Variants in ENPP3 observed in about 807,000 individuals in gnomAD.
ENPP3 encodes the protein ectonucleotide pyrophosphatase/phosphodiesterase 3.
In ENPP3, 104 loss-of-function variants were observed where a neutral mutation model predicts 117.8. The ratio of observed to expected loss-of-function variants is 0.88; its 90% confidence interval spans 0.75 to 1.04. The LOEUF is 1.04. Among genes scored for constraint, ENPP3 ranks in the 50% least tolerant of loss-of-function variants. The pLI is 0.00. For synonymous variants in ENPP3, 380 were observed against 349.9 expected (o/e 1.09, Z -0.96); for missense variants, 1,026 against 1,051.9 (o/e 0.98, Z 0.34).
intron 15 of ENPP3, among the ~76,000 whole-genome samples, chr6:131,697,577 C>T (rs1217840926): frequency 6.6e-6 from 1 of 151,664 alleles, no homozygotes; most frequent in African/African-American, 2.4e-5. Context: ...AGCTTGTTTT[C>T]CTGCAACTAG....
rs756024646 is a variant in ENPP3, at chr6:131,733,689, C to A, written c.2055C>A (p.Asp685Glu). Residue 685 changes from aspartate (D) to glutamate (E), a missense_variant, in exon 21 of 25, where the codon GAC becomes GAA. Coordinates refer to ENST00000357639, the MANE Select transcript of ENPP3 (RefSeq NM_005021.5). ...ESQKCSFYLADKNITHGFLYP... is the reference protein window; with the variant it reads ...ESQKCSFYLAEKNITHGFLYP... ...AAAAATGTTCCTTCTATTTAGCAGACAAGAATATCACCCACGGCTTCCTCT... is the reference window on the plus strand; with the variant it reads ...AAAAATGTTCCTTCTATTTAGCAGAAAAGAATATCACCCACGGCTTCCTCT... 4.3e-6 allele frequency: 7 copies of A among 1,613,930 alleles called. No homozygotes were observed. The Admixed American group carries it at 1.2e-4, about 27-fold the overall frequency.
intron 6 of ENPP3, among the ~76,000 whole-genome samples, 166 bp from the exon 7 acceptor site, chr6:131,671,082 T>C (rs1434385498): frequency 6.6e-6 from 1 of 152,226 alleles, no homozygotes; most frequent in Non-Finnish European, 1.5e-5. Context: ...TGACATTCCC[T>C]GGAATGGAGG....
chr6:131,646,470 T>G (rs574555660), intron 2 of ENPP3, among the ~76,000 whole-genome samples: 12 of 152,282 alleles, frequency 7.9e-5, no homozygotes, highest in African/African-American at 2.4e-4. Context: ...TTGTTTTTTC[T>G]TATCATAGTT....
chr6:131,742,216 T>G (rs1425021666), intron 24 of ENPP3, among the ~76,000 whole-genome samples: 3 of 152,198 alleles, frequency 2.0e-5, no homozygotes, highest in African/African-American at 7.2e-5. Flanking sequence ...AATCCCTTCC[T>G]ACTTTTTCTG....
chr6:131,674,648 C>T (rs967832158), intron 8 of ENPP3, among the ~76,000 whole-genome samples: 7 of 150,514 alleles, frequency 4.7e-5, no homozygotes, highest in Admixed American at 6.6e-5. Flanking sequence ...TCTCGGCTTA[C>T]TGTAACCTCT....
intron 11 of ENPP3, among the ~76,000 whole-genome samples, chr6:131,678,274 G>T (rs1203680274): frequency 6.6e-6 from 1 of 152,170 alleles, no homozygotes; most frequent in African/African-American, 2.4e-5. Context: ...TACTAATGTG[G>T]TGCATTTCAG....
At chr6:131,730,312 T>G (rs1780248462) in intron 20 of ENPP3, among the ~76,000 whole-genome samples, 1 of 152,180 alleles carries the variant, frequency 6.6e-6, no homozygotes, top group South Asian at 2.1e-4. Flanking sequence ...ACCTGGTCAC[T>G]CAGAACTGTA....
At position 131,675,131 on chromosome 6, in the gene ENPP3, C is replaced by T. The variant is rs1287601098; in HGVS notation, c.814C>T (p.Pro272Ser). The T allele has an allele frequency of 1.9e-6, 3 of 1,613,586 alleles. No homozygotes were observed. Among genetic ancestry groups the T allele is most frequent in the Non-Finnish European group, 1.7e-6 (2 of 1,179,714 alleles). Residue 272 changes from proline to serine, a missense_variant, in exon 9 of 25, where the codon CCC (proline) becomes TCC (serine). Transcript: ENST00000357639. ...QGLKAATYFW[P>S]GSEVAINGSF... ...TTTAAAAGCCGCTACCTACTTTTGG[C>T]CCGGATCAGAAGTGGCTATAAATGG...
intron 11 of ENPP3, among the ~76,000 whole-genome samples, chr6:131,678,220 A>G (rs1778913499): frequency 6.6e-6 from 1 of 152,228 alleles, no homozygotes; most frequent in Non-Finnish European, 1.5e-5. Context: ...CTGTTGTTGC[A>G]TATAATGAAA....
intron 22 of ENPP3, 57 bp downstream of exon 22, chr6:131,737,489 C>A: frequency 2.1e-6 from 2 of 939,152 alleles, no homozygotes; most frequent in Non-Finnish European, 3.4e-6. Flanking sequence ...CTTGAACTTC[C>A]AAACTAAACA....
At chr6:131,716,430 G>C (rs1187340443) in intron 15 of ENPP3, among the ~76,000 whole-genome samples, 1 of 151,890 alleles carries the variant, frequency 6.6e-6, no homozygotes, top group Non-Finnish European at 1.5e-5. Flanking sequence ...AATTGAGCTG[G>C]ATTAGGAGAT....
intron 12 of ENPP3, among the ~76,000 whole-genome samples, 174 bp from the exon 13 acceptor site, chr6:131,685,190 T>C (rs1779124943): frequency 6.6e-6 from 1 of 152,144 alleles, no homozygotes; most frequent in South Asian, 2.1e-4. Flanking sequence ...ACATGACCCT[T>C]CTCCACTGCC....
chr6:131,726,188 A>G lies in ENPP3; in HGVS notation c.1941A>G (p.Thr647=), dbSNP rs1228506782. The change falls in exon 20 of 25, where the codon ACA becomes ACG. Residue 647 remains threonine (T), a synonymous_variant. Transcript: ENST00000357639. ...AMRMPMWSSY[T]VPQLGDTSPL... is the part of the protein sequence containing the mutation. Reference sequence around the variant, plus strand: ...GGATGCCCATGTGGAGTTCATACACAGTCCCCCAGTTGGTAAGTTCCTGAG... The same window carrying G: ...GGATGCCCATGTGGAGTTCATACACGGTCCCCCAGTTGGTAAGTTCCTGAG... 5 of 1,613,150 alleles carry G rather than the reference A, an allele frequency of 3.1e-6. No homozygotes were observed. The highest frequency in any genetic ancestry group is 4.2e-6 in the Non-Finnish European group (5 of 1,179,526).
At position 131,637,444 on chromosome 6, in the gene ENPP3, A is replaced by G; in HGVS notation, c.60A>G (p.Lys20=). The stretch of plus-strand genomic sequence containing the variant: ...CTGTTAAGAAGAACACTCTTAAGAA[A>G]TATAAAATAGCTTGCATTGTAAGTA... ...EQPVKKNTLK[K]YKIACIVLLA... The change falls in exon 1 of 25, where the codon AAA becomes AAG. Residue 20 remains lysine, a synonymous_variant. Transcript: ENST00000357639. 2 of 1,580,314 alleles carry G rather than the reference A, an allele frequency of 1.3e-6. No homozygotes were observed. Among genetic ancestry groups the G allele is most frequent in the Non-Finnish European group, 8.6e-7 (1 of 1,157,888 alleles).
At chr6:131,739,379 A>G (rs559245918) in intron 23 of ENPP3, among the ~76,000 whole-genome samples, 51 of 152,200 alleles carry the variant, frequency 3.4e-4, no homozygotes, top group African/African-American at 1.2e-3. Flanking sequence ...AGTTGATAGC[A>G]CAGAATCACT....
In ENPP3 at chr6:131,718,723, GTT is replaced by G; in HGVS notation, c.1466_1467del (p.Phe489Ter). 1 of 1,600,144 alleles carries G rather than the reference GTT, an allele frequency of 6.2e-7. No homozygotes were observed. The highest frequency in any genetic ancestry group is 8.5e-7 in the Non-Finnish European group (1 of 1,171,648). ...GGGNHGYNNEFRSMEAIFLAH... is the reference protein window; with the variant it reads ...GGGNHGYNNEXRSMEAIFLAH... Reference sequence around the variant, plus strand: ...GAGGCAACCATGGTTATAACAATGAGTTTAGGAGCATGGAGGTAACTTACTGC... The same window carrying G: ...GAGGCAACCATGGTTATAACAATGAGTAGGAGCATGGAGGTAACTTACTGC... On this transcript the variant is annotated frameshift_variant, in exon 16 of 25. Transcript: ENST00000357639. LOFTEE classifies it high-confidence loss of function.
chr6:131,638,937 T>C (rs1407485894), intron 1 of ENPP3, among the ~76,000 whole-genome samples: 1 of 151,846 alleles, frequency 6.6e-6, no homozygotes, highest in Non-Finnish European at 1.5e-5. Flanking sequence ...CTGGGGACTA[T>C]GTGTGTGCCC....
At chr6:131,723,367 G>A (rs77015255) in intron 18 of ENPP3, among the ~76,000 whole-genome samples, 3,128 of 152,306 alleles carry the variant, frequency 0.021, 104 homozygotes, top group African/African-American at 0.07. Flanking sequence ...GAGTAAGGGT[G>A]TGGGTTTCCT....
At position 131,726,047 on chromosome 6, in the gene ENPP3, A is replaced by C; in HGVS notation, c.1800A>C (p.Ile600=). The stretch of plus-strand genomic sequence containing the variant: ...TATTTTATGTTATTTTAATTTTAGT[A>C]ACAGCAACAGTGAAAGTAAATTTGC... The part of the protein sequence containing the change: ...NQMLNLTQEE[I]TATVKVNLPF... The change falls in exon 20 of 25, where the codon ATA becomes ATC. Residue 600 remains isoleucine, a splice_region_variant and synonymous_variant. Transcript: ENST00000357639. The C allele has an allele frequency of 6.2e-7, 1 of 1,603,612 alleles. No individual in the cohort carries two copies. The highest frequency in any genetic ancestry group is 2.2e-5 in the East Asian group (1 of 44,802).
Sources: allele counts gnomAD v4.1 joint callset (sites outside exome capture counted in the v4.1 genomes callset), GRCh38; gene constraint gnomAD v4.1.1; transcripts MANE v1.5; gene names NCBI Gene and HGNC (gene_info 2026-07-23, HGNC 2026-07-21).